ERVV-1: variants seen among roughly 807,000 people sequenced by gnomAD.
ERVV-1 encodes the protein endogenous retrovirus group V member 1, envelope.
For missense variants in ERVV-1, 150 were observed against 456.5 expected (o/e 0.33, Z 6.12); for synonymous variants, 59 against 170.2 (o/e 0.35, Z 5.09).
At position 53,015,798 on chromosome 19, in the gene ERVV-1, CT is replaced by C; in HGVS notation, c.*275del. On this transcript the variant is annotated 3_prime_UTR_variant, in exon 1 of 1. Transcript: ENST00000602168. Reference sequence around the variant, plus strand: ...CCTTATGCCCAAAGCTTTTCAGGGTCTCCAACTCTTGAGGGGGAATACTGTT... The same window carrying C: ...CCTTATGCCCAAAGCTTTTCAGGGTCCCAACTCTTGAGGGGGAATACTGTT... The C allele has an allele frequency of 2.8e-6, 1 of 353,746 alleles. No individual in the cohort carries two copies. Among genetic ancestry groups the C allele is most frequent in the East Asian group, 5.1e-5 (1 of 19,694 alleles). The allele number at this position is 353,746 out of a possible 1,614,324, so 21.9% of individuals were successfully genotyped here. A position where few individuals can be genotyped will look rare whatever the true frequency, so the allele number is the denominator to read the frequency against.
Position 53,015,713 on chromosome 19 carries a change from G to A in ERVV-1, c.*189G>A. ...TCCCTGACAGAGAGCAAGAGAGGGA[G>A]ACCCTGATGACTTCTTCGTCCCACG... On this transcript the variant is annotated 3_prime_UTR_variant, in exon 1 of 1. Coordinates refer to ENST00000602168, the MANE Select transcript of ERVV-1 (RefSeq NM_152473.3). 2 of 532,220 alleles carry A rather than the reference G, an allele frequency of 3.8e-6. No homozygotes were observed. Among genetic ancestry groups the A allele is most frequent in the East Asian group, 3.1e-5 (1 of 32,492 alleles). The allele number at this position is 532,220 out of a possible 1,614,324, so 33.0% of individuals were successfully genotyped here.
chr19:53,015,383 T>C lies in ERVV-1; in HGVS notation c.1293T>C (p.His431=). The C allele has an allele frequency of 1.4e-6, 1 of 703,708 alleles. No individual in the cohort carries two copies. The highest frequency in any genetic ancestry group is 2.6e-6 in the Non-Finnish European group (1 of 385,670). The allele number at this position is 703,708 out of a possible 1,614,324, so 43.6% of individuals were successfully genotyped here. Residue 431 remains histidine (H), a synonymous_variant, in exon 1 of 1, where the codon CAT becomes CAC. Transcript: ENST00000602168. ...KKIYDEVTWL[H]NFGKGDSAGS... The stretch of plus-strand genomic sequence containing the variant: ...TCTATGATGAGGTTACGTGGCTCCA[T>C]AACTTTGGAAAAGGTGATTCAGCAG...
Position 53,014,190 on chromosome 19 carries a change from A to C in ERVV-1, c.100A>C (p.Ile34Leu). 1 of 1,433,096 alleles carries C rather than the reference A, an allele frequency of 7.0e-7. No homozygotes were observed. The highest frequency in any genetic ancestry group is 2.5e-5 in the East Asian group (1 of 39,708). 88.8% of individuals were successfully genotyped at this position (1,433,096 alleles called of 1,614,324 possible). A position where few individuals can be genotyped will look rare whatever the true frequency, so the allele number is the denominator to read the frequency against. ...NENSLVSFSK[I>L]IASGNHLSNC... ...AAATTCCCTTGTCAGTTTTTCCAAA[A>C]TAATTGCTTCGGGAAACCATCTAAG... Residue 34 changes from isoleucine (I) to leucine (L), a missense_variant, in exon 1 of 1, where the codon ATA becomes CTA. Coordinates refer to ENST00000602168, the MANE Select transcript of ERVV-1 (RefSeq NM_152473.3).
In ERVV-1 at chr19:53,013,959, C is replaced by T. The variant is rs1029450910; in HGVS notation, c.-132C>T. 1.6e-5 allele frequency: 22 copies of T among 1,406,296 alleles called. No individual in the cohort carries two copies. The South Asian group carries it at 2.2e-4, about 14-fold the overall frequency. 87.1% of individuals were successfully genotyped at this position (1,406,296 alleles called of 1,614,324 possible). ...GTTCTTCTCCTTATTTTGACCCACA[C>T]TGGCATGCCACCTGAAGTCCCGATA... On this transcript the variant is annotated 5_prime_UTR_variant, in exon 1 of 1. Transcript: ENST00000602168.
Position 53,016,061 on chromosome 19 carries a change from T to C in ERVV-1, c.*537T>C, listed in dbSNP as rs1288048552. The stretch of plus-strand genomic sequence containing the variant: ...AGGAGCTATTCCCCACTAAGAAGCA[T>C]GTATACTTCTCTAATAATTCACCCT... On this transcript the variant is annotated 3_prime_UTR_variant, in exon 1 of 1. Transcript: ENST00000602168. 1 of 153,344 alleles carries C rather than the reference T, an allele frequency of 6.5e-6. No individual in the cohort carries two copies. The allele number at this position is 153,344 out of a possible 1,614,324, so 9.5% of individuals were successfully genotyped here.
At position 53,015,765 on chromosome 19, in the gene ERVV-1, C is replaced by G. The variant is rs1047908830; in HGVS notation, c.*241C>G. 4 of 449,720 alleles carry G rather than the reference C, an allele frequency of 8.9e-6. No homozygotes were observed. The highest frequency in any genetic ancestry group is 8.1e-5 in the African/African-American group (4 of 49,088). 27.9% of individuals were successfully genotyped at this position (449,720 alleles called of 1,614,324 possible). On this transcript the variant is annotated 3_prime_UTR_variant, in exon 1 of 1. Coordinates refer to ENST00000602168, the MANE Select transcript of ERVV-1 (RefSeq NM_152473.3). ...CAGCAGGAAGTAGTTACAGAAGACC[C>G]ACGACGTCCTTATGCCCAAAGCTTT...
Position 53,015,457 on chromosome 19 carries a change from T to G in ERVV-1, c.1367T>G (p.Phe456Cys), listed in dbSNP as rs537563356. ...VKSALPSLTW[F>C]VPLLGPAALN... ...TCTGCCCTCCCCTCCCTCACATGGT[T>G]TGTCCCTTTACTGGGACCAGCTGCA... Residue 456 changes from phenylalanine (F) to cysteine (C), a missense_variant, in exon 1 of 1, where the codon TTT becomes TGT. Phe to Cys is a radical substitution (Grantham distance 205). Coordinates refer to ENST00000602168, the MANE Select transcript of ERVV-1 (RefSeq NM_152473.3). 39 of 701,030 alleles carry G rather than the reference T, an allele frequency of 5.6e-5. No individual in the cohort carries two copies. Among genetic ancestry groups the G allele is most frequent in the Admixed American group, 2.2e-4 (11 of 49,918 alleles). The allele number at this position is 701,030 out of a possible 1,614,324, so 43.4% of individuals were successfully genotyped here.
Position 53,014,691 on chromosome 19 carries a change from C to T in ERVV-1, c.601C>T (p.Pro201Ser), listed in dbSNP as rs1600759285. The T allele has an allele frequency of 6.5e-7, 1 of 1,530,862 alleles. No individual in the cohort carries two copies. The highest frequency in any genetic ancestry group is 8.7e-7 in the Non-Finnish European group (1 of 1,146,718). 94.8% of individuals were successfully genotyped at this position (1,530,862 alleles called of 1,614,324 possible). The change falls in exon 1 of 1, where the codon CCC becomes TCC. Residue 201 changes from proline (P) to serine (S), a missense_variant. Coordinates refer to ENST00000602168, the MANE Select transcript of ERVV-1 (RefSeq NM_152473.3). ...CACATGGAGGGTTCTATATTTGCTT[C>T]CCAAGGCACACACTGTCCCCACATG... ...LITWRVLYLLPKAHTVPTWPK... is the reference protein window; with the variant it reads ...LITWRVLYLLSKAHTVPTWPK...
rs928780384 is a variant in ERVV-1 at position 53,014,014 on chromosome 19, C to T, written c.-77C>T. On this transcript the variant is annotated 5_prime_UTR_variant, in exon 1 of 1. Coordinates refer to ENST00000602168, the MANE Select transcript of ERVV-1 (RefSeq NM_152473.3). ...CCTGATTTCTCACTAAACACTCCAT[C>T]GAACCATTTCATTATTTGTCTCTCC... The T allele has an allele frequency of 1.0e-5, 16 of 1,531,460 alleles. No homozygotes were observed. Among genetic ancestry groups the T allele is most frequent in the East Asian group, 2.4e-5 (1 of 40,850 alleles). 94.9% of individuals were successfully genotyped at this position (1,531,460 alleles called of 1,614,324 possible).
At chr19:53,014,732 TC>T in the ERVV-1 span, 1 of 1,531,652 alleles carries the variant, frequency 6.5e-7, no homozygotes, top group African/African-American at 1.4e-5. Context: ...AATCTACTGT[TC>T]CCCTGGGAGG....
chr19:53,015,509 G>A, the ERVV-1 span: 1 of 660,372 alleles, frequency 1.5e-6, no homozygotes, highest in Non-Finnish European at 2.7e-6. Context: ...CTCCTCTTTG[G>A]CCCTTGTCTC....
At position 53,014,892 on chromosome 19, in the gene ERVV-1, G is replaced by C; in HGVS notation, c.802G>C (p.Asp268His). 6.5e-7 allele frequency: 1 copy of C among 1,535,812 alleles called. No individual in the cohort carries two copies. Among genetic ancestry groups the C allele is most frequent in the Non-Finnish European group, 8.7e-7 (1 of 1,146,744 alleles). ...GCCACAAAAAAATAAACTGCCCTTT[G>C]ATGGAAGTCCTAAGATAACTTATTC... ...CGPQKNKLPF[D>H]GSPKITYSTP... Residue 268 changes from aspartate (D) to histidine (H), a missense_variant, in exon 1 of 1, where the codon GAT (aspartate) becomes CAT (histidine). Coordinates refer to ENST00000602168, the MANE Select transcript of ERVV-1 (RefSeq NM_152473.3).
chr19:53,014,015 G>A lies in ERVV-1; in HGVS notation c.-76G>A, dbSNP rs938815089. On this transcript the variant is annotated 5_prime_UTR_variant, in exon 1 of 1. Transcript: ENST00000602168. ...CTGATTTCTCACTAAACACTCCATCGAACCATTTCATTATTTGTCTCTCCT... is the reference window on the plus strand; with the variant it reads ...CTGATTTCTCACTAAACACTCCATCAAACCATTTCATTATTTGTCTCTCCT... 2.5e-5 allele frequency: 38 copies of A among 1,532,186 alleles called. No individual in the cohort carries two copies. The highest frequency in any genetic ancestry group is 1.9e-4 in the South Asian group (16 of 83,882). 94.9% of individuals were successfully genotyped at this position (1,532,186 alleles called of 1,614,324 possible). A position where few individuals can be genotyped will look rare whatever the true frequency, so the allele number is the denominator to read the frequency against.
rs2083783356 is a variant in ERVV-1, at chr19:53,015,350, A to T, written c.1260A>T (p.Ile420=). The stretch of plus-strand genomic sequence containing the variant: ...ACAGTGGGGCGATAGAGGAGGATAT[A>T]AAAAAGATCTATGATGAGGTTACGT... ...VNNSGAIEED[I]KKIYDEVTWL... The change falls in exon 1 of 1, where the codon ATA becomes ATT. Residue 420 remains isoleucine, a synonymous_variant. Coordinates refer to ENST00000602168, the MANE Select transcript of ERVV-1 (RefSeq NM_152473.3). The T allele has an allele frequency of 1.4e-6, 1 of 704,718 alleles. No homozygotes were observed. The allele number at this position is 704,718 out of a possible 1,614,324, so 43.7% of individuals were successfully genotyped here.
rs2083783972 is a variant in ERVV-1 at position 53,015,438 on chromosome 19, C to T, written c.1348C>T (p.Leu450Phe). ...GSIWEAVKSA[L>F]PSLTWFVPLL... is the part of the protein sequence containing the mutation. ...CATTTGGGAGGCTGTGAAGTCTGCC[C>T]TCCCCTCCCTCACATGGTTTGTCCC... Residue 450 changes from leucine to phenylalanine, a missense_variant, in exon 1 of 1, where the codon CTC becomes TTC. Transcript: ENST00000602168. The T allele has an allele frequency of 1.4e-6, 1 of 702,146 alleles. No individual in the cohort carries two copies. The highest frequency in any genetic ancestry group is 1.7e-5 in the African/African-American group (1 of 57,210). The allele number at this position is 702,146 out of a possible 1,614,324, so 43.5% of individuals were successfully genotyped here.
chr19:53,016,062 G>A lies in ERVV-1; in HGVS notation c.*538G>A. ...GGAGCTATTCCCCACTAAGAAGCAT[G>A]TATACTTCTCTAATAATTCACCCTA... On this transcript the variant is annotated 3_prime_UTR_variant, in exon 1 of 1. Transcript: ENST00000602168. The A allele has an allele frequency of 6.5e-6, 1 of 153,184 alleles. No homozygotes were observed. The highest frequency in any genetic ancestry group is 1.9e-4 in the East Asian group (1 of 5,196). The allele number at this position is 153,184 out of a possible 1,614,324, so 9.5% of individuals were successfully genotyped here.
chr19:53,015,258 T>C lies in ERVV-1; in HGVS notation c.1168T>C (p.Tyr390His), dbSNP rs1438035086. The change falls in exon 1 of 1, where the codon TAC becomes CAC. Residue 390 changes from tyrosine (Y) to histidine (H), a missense_variant. Coordinates refer to ENST00000602168, the MANE Select transcript of ERVV-1 (RefSeq NM_152473.3). ...CATGAACAACAGATTGGCCTTAGAT[T>C]ACCTCTTAGCAGAGCAGGGTGGAGT... ...VVMNNRLALD[Y>H]LLAEQGGVCA... The C allele has an allele frequency of 1.3e-6, 1 of 748,562 alleles. No homozygotes were observed. The highest frequency in any genetic ancestry group is 2.3e-6 in the Non-Finnish European group (1 of 427,576). 46.4% of individuals were successfully genotyped at this position (748,562 alleles called of 1,614,324 possible).
At position 53,015,680 on chromosome 19, in the gene ERVV-1, G is replaced by A. The variant is rs897332397; in HGVS notation, c.*156G>A. 7.0e-6 allele frequency: 4 copies of A among 569,444 alleles called. No homozygotes were observed. The highest frequency in any genetic ancestry group is 5.7e-5 in the African/African-American group (3 of 52,618). 35.3% of individuals were successfully genotyped at this position (569,444 alleles called of 1,614,324 possible). A position where few individuals can be genotyped will look rare whatever the true frequency, so the allele number is the denominator to read the frequency against. On this transcript the variant is annotated 3_prime_UTR_variant, in exon 1 of 1. Transcript: ENST00000602168. ...GGGCAAAGATTCTGCAACTACGGAG[G>A]GGCTCCTTCCCTGACAGAGAGCAAG... is the stretch of plus-strand genomic sequence containing the variant.
chr19:53,015,841 C>T lies in ERVV-1; in HGVS notation c.*317C>T. The T allele has an allele frequency of 4.1e-6, 1 of 244,824 alleles. No individual in the cohort carries two copies. The highest frequency in any genetic ancestry group is 7.6e-6 in the Non-Finnish European group (1 of 131,788). The allele number at this position is 244,824 out of a possible 1,614,324, so 15.2% of individuals were successfully genotyped here. ...AATACTGTTAGGGTAGGCAGGTAGC[C>T]AGACAAGAGCAGGCAAGGAAGCCCC... On this transcript the variant is annotated 3_prime_UTR_variant, in exon 1 of 1. Transcript: ENST00000602168.
Sources: allele counts gnomAD v4.1 joint callset, GRCh38; gene constraint gnomAD v4.1.1; transcripts MANE v1.5; gene names NCBI Gene and HGNC (gene_info 2026-07-23, HGNC 2026-07-21).